The following HIVEP2 variants were observed in gnomAD, a reference collection of about 807,000 sequenced individuals.
The protein encoded by HIVEP2 is transcription factor HIVEP2.
Under a neutral mutation model 180.7 loss-of-function variants are expected in HIVEP2, and 14 were observed. The observed-to-expected ratio is 0.08, with a 90% CI of 0.05 to 0.12. HIVEP2 has a LOEUF of 0.12. Ranked by LOEUF, HIVEP2 falls within the 10% of genes least tolerant of loss-of-function variation. HIVEP2 has a pLI of 1.00. For synonymous variants in HIVEP2, 1,184 were observed against 1,136.4 expected, an observed-to-expected ratio of 1.04 and a Z score of -0.84; for missense variants, 2,579 against 3,008.5, an observed-to-expected ratio of 0.86 and a Z score of 3.34.
intron 2 of HIVEP2, among the ~76,000 whole-genome samples, chr6:142,808,584 G>A (rs986886827): frequency 6.6e-6 from 1 of 151,136 alleles, no homozygotes; most frequent in Non-Finnish European, 1.5e-5. Flanking sequence ...AGGGATGGAC[G>A]GATGGATAGA....
intron 1 of HIVEP2, among the ~76,000 whole-genome samples, chr6:142,842,286 T>C (rs1338214954): frequency 1.3e-5 from 2 of 152,180 alleles, no homozygotes; most frequent in East Asian, 3.9e-4. Context: ...ATGTTAAACC[T>C]AAGTTTGACT....
At chr6:142,935,107 C>G (rs554260980) in intron 1 of HIVEP2, among the ~76,000 whole-genome samples, 3 of 152,300 alleles carry the variant, frequency 2.0e-5, no homozygotes, top group African/African-American at 7.2e-5. Flanking sequence ...CCTATCTGTT[C>G]ACTCGCTGCA....
intron 1 of HIVEP2, among the ~76,000 whole-genome samples, chr6:142,893,962 C>G (rs1486429014): frequency 1.3e-5 from 2 of 152,172 alleles, no homozygotes; most frequent in Non-Finnish European, 2.9e-5. Flanking sequence ...TAAAGCCACA[C>G]AAATGCGTAA....
intron 1 of HIVEP2, among the ~76,000 whole-genome samples, chr6:142,900,420 A>G (rs963789861): frequency 3.3e-5 from 5 of 152,174 alleles, no homozygotes; most frequent in African/African-American, 1.2e-4. Flanking sequence ...GCCACACGGT[A>G]TTTAAGTACA....
chr6:142,847,370 A>C (rs970206376), intron 1 of HIVEP2, among the ~76,000 whole-genome samples: 1 of 152,196 alleles, frequency 6.6e-6, no homozygotes, highest in African/African-American at 2.4e-5. Context: ...TAATATAAGC[A>C]AACACTTAAA....
rs991109740 is a variant in HIVEP2 at position 142,760,521 on chromosome 6, C to T, written c.5767G>A (p.Asp1923Asn). ...GTTTTTGGTGTTAAATCTCCCTGGT[C>T]GTCAAAGTCATCTTCATCTTCATCA... ...DDDEDEDDFD[D>N]QGDLTPKTRS... Residue 1923 changes from aspartate (D) to asparagine (N), a missense_variant, in exon 9 of 10, where the codon GAC becomes AAC. Asp to Asn is a conservative substitution (Grantham distance 23). This residue lies in a region of HIVEP2 where 660 missense variants were observed against 731.7 expected (regional missense o/e 0.90). Coordinates refer to ENST00000367603, the MANE Select transcript of HIVEP2 (RefSeq NM_006734.4). The T allele has an allele frequency of 1.2e-6, 2 of 1,613,894 alleles. No homozygotes were observed. Among genetic ancestry groups the T allele is most frequent in the Non-Finnish European group, 1.7e-6 (2 of 1,179,998 alleles).
chr6:142,931,822 C>A (rs1403173893), intron 1 of HIVEP2, among the ~76,000 whole-genome samples: 1 of 152,202 alleles, frequency 6.6e-6, no homozygotes, highest in Non-Finnish European at 1.5e-5. Context: ...TAAATTACAT[C>A]TACCATTATC....
chr6:142,770,873 T>G lies in HIVEP2; in HGVS notation c.3866A>C (p.His1289Pro). Residue 1289 changes from histidine to proline, a missense_variant, in exon 5 of 10, where the codon CAC (histidine) becomes CCC (proline). Transcript: ENST00000367603. This position sits in a 1 kb window ranked among gnomAD's most constrained non-coding sequence, Gnocchi z 4.7. ...YPCYSGASGLHPKNLLPKFPS... is the reference protein window; with the variant it reads ...YPCYSGASGLPPKNLLPKFPS... ...AAACTTTGGAAGAAGGTTCTTTGGG[T>G]GTAGCCCTGATGCTCCTGAATAACA... 1 of 1,614,218 alleles carries G rather than the reference T, an allele frequency of 6.2e-7. No individual in the cohort carries two copies. The highest frequency in any genetic ancestry group is 1.1e-5 in the South Asian group (1 of 91,082).
chr6:142,875,586 G>A (rs1776414672), intron 1 of HIVEP2, among the ~76,000 whole-genome samples: 1 of 152,176 alleles, frequency 6.6e-6, no homozygotes, highest in Admixed American at 6.6e-5. Context: ...CAGAGAGTAA[G>A]AAGACATAAC....
rs532348276 is a variant in HIVEP2 at position 142,858,039 on chromosome 6, GGAAGA to G, written c.-640-20997_-640-20993del. Reference sequence around the variant, plus strand: ...TGACCTAGGGCGACAGGTGGTTGGGGGAAGAGAGGCTGTTCCCCCTAGAAGAGTAT... The same window carrying G: ...TGACCTAGGGCGACAGGTGGTTGGGGGAGGCTGTTCCCCCTAGAAGAGTAT... On this transcript the variant is annotated intron_variant, in intron 1 of 9. Transcript: ENST00000367603. Among the ~76,000 whole-genome samples, 802 of 152,302 alleles carry G rather than the reference GGAAGA, an allele frequency of 5.3e-3. 6 individuals are homozygous for G. The highest frequency in any genetic ancestry group is 5.4e-3 in the Non-Finnish European group (367 of 68,016).
At chr6:142,894,291 C>G (rs1180364691) in intron 1 of HIVEP2, among the ~76,000 whole-genome samples, 1 of 152,160 alleles carries the variant, frequency 6.6e-6, no homozygotes, top group South Asian at 2.1e-4. Flanking sequence ...CTTTCAGGTA[C>G]TATCTTTTAC....
At chr6:142,915,960 C>T (rs947781075) in intron 1 of HIVEP2, among the ~76,000 whole-genome samples, 4 of 152,178 alleles carry the variant, frequency 2.6e-5, no homozygotes, top group African/African-American at 9.7e-5. Context: ...TTAGTGAGCC[C>T]CATCCCAATA....
intron 1 of HIVEP2, among the ~76,000 whole-genome samples, chr6:142,874,769 T>C (rs1305598038): frequency 6.6e-6 from 1 of 152,040 alleles, no homozygotes; most frequent in Non-Finnish European, 1.5e-5. Flanking sequence ...TTATAGGACC[T>C]TAAGGAGGTC....
At chr6:142,881,526 G>T (rs1037610224) in intron 1 of HIVEP2, among the ~76,000 whole-genome samples, 1 of 152,110 alleles carries the variant, frequency 6.6e-6, no homozygotes, top group African/African-American at 2.4e-5. Flanking sequence ...ATCAGATAGT[G>T]TCATCTAACT....
chr6:142,820,544 T>C (rs150519050), intron 2 of HIVEP2, among the ~76,000 whole-genome samples: 86 of 152,350 alleles, frequency 5.6e-4, no homozygotes, highest in African/African-American at 1.9e-3. Context: ...TACTCAGTTA[T>C]AGCTGTTTAA....
intron 1 of HIVEP2, among the ~76,000 whole-genome samples, chr6:142,842,052 C>A (rs1562260382): frequency 1.3e-5 from 2 of 152,140 alleles, no homozygotes; most frequent in Non-Finnish European, 1.5e-5. Context: ...AATATCACCA[C>A]CACAAAATAA....
At position 142,890,226 on chromosome 6, in the gene HIVEP2, T is replaced by C. The variant is rs79981894; in HGVS notation, c.-640-53179A>G. Among the ~76,000 whole-genome samples, 1,338 of 152,290 alleles carry C rather than the reference T, an allele frequency of 8.8e-3. 77 individuals are homozygous for C. The East Asian group carries it at 0.17, about 19-fold the overall frequency. ...AAGGGGCTCTACATCAGTAAAACAA[T>C]CCATTCTATTTAAGAAATTTATCCA... is the stretch of plus-strand genomic sequence containing the variant. On this transcript the variant is annotated intron_variant, in intron 1 of 9. Coordinates refer to ENST00000367603, the MANE Select transcript of HIVEP2 (RefSeq NM_006734.4).
chr6:142,896,022 A>T (rs1776980326), intron 1 of HIVEP2, among the ~76,000 whole-genome samples: 1 of 152,232 alleles, frequency 6.6e-6, no homozygotes, highest in African/African-American at 2.4e-5. Context: ...TTCATTTAAT[A>T]GAAATTATTT....
At position 142,774,714 on chromosome 6, in the gene HIVEP2, C is replaced by G. The variant is rs775299675; in HGVS notation, c.25G>C (p.Gly9Arg). 1 of 1,614,082 alleles carries G rather than the reference C, an allele frequency of 6.2e-7. No individual in the cohort carries two copies. The highest frequency in any genetic ancestry group is 2.2e-5 in the East Asian group (1 of 44,884). ...CCAGACCTTGAGGTAGCTTTTTGTC[C>G]TAGAGCTGTGTCCCCAGTGTCCATT... is the stretch of plus-strand genomic sequence containing the variant. MDTGDTAL[G>R]QKATSRSGET... The change falls in exon 5 of 10, where the codon GGA becomes CGA. Residue 9 changes from glycine to arginine, a missense_variant. Physicochemically the swap from Gly to Arg is moderately radical, Grantham distance 125 (BLOSUM62 -2). Around this residue, in one of 11 missense-constraint regions of HIVEP2, gnomAD observed 207 missense variants for 210.1 expected, o/e 0.99. Transcript: ENST00000367603. This position sits in a 1 kb window ranked among gnomAD's most constrained non-coding sequence, Gnocchi z 5.1.
Sources: gnomAD v4.1 joint callset for allele counts (sites outside exome capture counted in the v4.1 genomes callset) on GRCh38, gnomAD v4.1.1 for gene constraint, gnomAD v4.1.1 regional missense constraint, Gnocchi (gnomAD v3.1) non-coding constraint, MANE v1.5 for transcripts, NCBI Gene and HGNC (gene_info 2026-07-23, HGNC 2026-07-21) for gene names.